Variants in PDILT observed in about 807,000 individuals in gnomAD.
The protein encoded by PDILT is protein disulfide isomerase like, testis expressed.
A neutral mutation model predicts 53.7 loss-of-function variants in PDILT; 43 were observed. The ratio of observed to expected loss-of-function variants is 0.80; its 90% confidence interval spans 0.63 to 1.03. PDILT has a LOEUF of 1.03. PDILT is among the 50% of genes least tolerant of loss of function. PDILT has a pLI of 0.00. For missense variants in PDILT, 727 were observed against 712.3 expected (o/e 1.02, Z -0.24); for synonymous variants, 282 against 274.2 (o/e 1.03, Z -0.28).
At chr16:20,381,997 C>T (rs2141607976) in intron 3 of PDILT, among the ~76,000 whole-genome samples, 1 of 152,248 alleles carries the variant, frequency 6.6e-6, no homozygotes, top group South Asian at 2.1e-4. Flanking sequence ...TTCCTGGGTT[C>T]AAGCAATTCT....
chr16:20,359,640 A>G (rs932735445), intron 11 of PDILT, 73 bp from the exon 12 acceptor site: 2 of 1,433,810 alleles, frequency 1.4e-6, no homozygotes, highest in Non-Finnish European at 1.9e-6. Context: ...GGCAAGAAAT[A>G]TGTCATCATT....
intron 11 of PDILT, 74 bp downstream of exon 11, chr16:20,360,494 C>T: frequency 2.3e-6 from 3 of 1,324,362 alleles, no homozygotes; most frequent in Non-Finnish European, 3.3e-6. Context: ...CAGCCATACT[C>T]TTTTGTTGTC....
intron 3 of PDILT, among the ~76,000 whole-genome samples, chr16:20,377,197 A>G (rs1966399657): frequency 6.6e-6 from 1 of 152,150 alleles, no homozygotes; most frequent in African/African-American, 2.4e-5. Flanking sequence ...CTGAGGCAGA[A>G]GGATTGCTTG....
Position 20,384,855 on chromosome 16 carries a change from A to C in PDILT, c.203-4T>G. 6.2e-7 allele frequency: 1 copy of C among 1,614,016 alleles called. No homozygotes were observed. ...GATTGCTTTGAGGATGGGTTGTCTG[A>C]AAGAGTATGAAGACAAAATTTGAGA... On this transcript the variant is annotated splice_region_variant and splice_polypyrimidine_tract_variant and intron_variant, in intron 2 of 11. Transcript: ENST00000302451.
rs760472325 is a variant in PDILT at position 20,365,414 on chromosome 16, AC to A, written c.1237+5del. 69 of 1,613,650 alleles carry A rather than the reference AC, an allele frequency of 4.3e-5. No individual in the cohort carries two copies. Among genetic ancestry groups the A allele is most frequent in the Non-Finnish European group, 5.8e-5 (68 of 1,179,662 alleles). ...TTGCCTCAGAACCCCTCTTGGAGAT[AC>A]TTACAGAACATCACAAATACGTCCT... On this transcript the variant is annotated splice_donor_5th_base_variant and intron_variant, in intron 9 of 11. Coordinates refer to ENST00000302451, the MANE Select transcript of PDILT (RefSeq NM_174924.2).
intron 7 of PDILT, among the ~76,000 whole-genome samples, chr16:20,372,580 T>C (rs1966322354): frequency 6.6e-6 from 1 of 150,988 alleles, no homozygotes; most frequent in Admixed American, 6.6e-5. Flanking sequence ...AGATTTGGCA[T>C]GGAAGAGACA....
At chr16:20,384,920 G>A (rs1389146050) in intron 2 of PDILT, 69 bp from the exon 3 acceptor site, 1 of 1,489,498 alleles carries the variant, frequency 6.7e-7, no homozygotes, top group African/African-American at 1.4e-5. Flanking sequence ...TAGATTATTT[G>A]TTGGGCCTGC....
chr16:20,396,581 A>C (rs146210740), intron 2 of PDILT, among the ~76,000 whole-genome samples: 1 of 152,268 alleles, frequency 6.6e-6, no homozygotes, highest in East Asian at 1.9e-4. Context: ...TCGTGCACTC[A>C]AAGACATGAG....
At chr16:20,392,536 C>T (rs1966617636) in intron 2 of PDILT, among the ~76,000 whole-genome samples, 1 of 152,192 alleles carries the variant, frequency 6.6e-6, no homozygotes, top group South Asian at 2.1e-4. Flanking sequence ...AGAAAGCTTT[C>T]ATAGTGCTTT....
Position 20,362,401 on chromosome 16 carries a change from C to G in PDILT, c.1416+3G>C, listed in dbSNP as rs1486661479. 1.9e-6 allele frequency: 3 copies of G among 1,613,868 alleles called. No individual in the cohort carries two copies. In the South Asian group the frequency reaches 3.3e-5, roughly 18 times the overall value. ...AGCCATGTGCGTCCCAAGAGCCCCT[C>G]ACTTGTTGAGAGCCGCTGGGGAACA... On this transcript the variant is annotated splice_donor_region_variant and intron_variant, in intron 10 of 11. Coordinates refer to ENST00000302451, the MANE Select transcript of PDILT (RefSeq NM_174924.2).
intron 1 of PDILT, 56 bp downstream of exon 1, chr16:20,404,440 A>C (rs1303080858): frequency 2.6e-5 from 4 of 152,186 alleles, no homozygotes; most frequent in Non-Finnish European, 5.9e-5. Flanking sequence ...GGTAGAGAAA[A>C]GCCTCCCAAG....
intron 1 of PDILT, among the ~76,000 whole-genome samples, chr16:20,400,797 T>C (rs1163221482): frequency 6.6e-6 from 1 of 152,152 alleles, no homozygotes; most frequent in African/African-American, 2.4e-5. Flanking sequence ...AAATATTTTA[T>C]TATAAATATT....
At chr16:20,373,454 G>C (rs1966336958) in intron 5 of PDILT, among the ~76,000 whole-genome samples, 1 of 152,130 alleles carries the variant, frequency 6.6e-6, no homozygotes, top group Admixed American at 6.5e-5. Flanking sequence ...CTCACATACT[G>C]CTCCAACTAA....
chr16:20,399,686 A>G (rs1268741040), intron 1 of PDILT, among the ~76,000 whole-genome samples: 1 of 76,014 alleles, frequency 1.3e-5, no homozygotes, highest in African/African-American at 5.1e-5. Context: ...TCAATCCCCC[A>G]TCACAGCCCC....
At chr16:20,369,394 C>T (rs1966266578) in intron 8 of PDILT, 98 bp downstream of exon 8, 2 of 1,331,570 alleles carry the variant, frequency 1.5e-6, no homozygotes, top group Admixed American at 1.8e-5. Context: ...TTTATTCTGC[C>T]TCCACATACA....
chr16:20,368,468 TCCACAGAAAAGGC>T (rs1966249123), intron 8 of PDILT, among the ~76,000 whole-genome samples: 4 of 152,090 alleles, frequency 2.6e-5, no homozygotes, highest in Admixed American at 2.6e-4. Context: ...CGAGACAGCT[TCCACAGAAAAGGC>T]TATAGGGGCA....
intron 3 of PDILT, among the ~76,000 whole-genome samples, chr16:20,381,203 C>A (rs980131481): frequency 6.6e-6 from 1 of 152,240 alleles, no homozygotes; most frequent in African/African-American, 2.4e-5. Context: ...TTTGACCCTG[C>A]AAGGACTAAA....
rs1420853586 is a variant in PDILT, at chr16:20,386,829, A to G, written c.203-1978T>C. On this transcript the variant is annotated intron_variant, in intron 2 of 11. Coordinates refer to ENST00000302451, the MANE Select transcript of PDILT (RefSeq NM_174924.2). Reference sequence around the variant, plus strand: ...GGCCATGCTGGGCTCAGGATTGCTGATTGACATAGAATCCGAATCTGAGTT... The same window carrying G: ...GGCCATGCTGGGCTCAGGATTGCTGGTTGACATAGAATCCGAATCTGAGTT... Among the ~76,000 whole-genome samples the G allele has an allele frequency of 2.0e-5, 3 of 152,330 alleles. No homozygotes were observed. The East Asian group carries it at 5.8e-4, about 29-fold the overall frequency.
At chr16:20,377,968 AAAAG>A (rs1225680793) in intron 3 of PDILT, among the ~76,000 whole-genome samples, 2 of 152,034 alleles carry the variant, frequency 1.3e-5, no homozygotes, top group African/African-American at 2.4e-5. Context: ...AAGAAAAAAA[AAAAG>A]AAAGAAAGAA....
Sources: gnomAD v4.1 joint callset for allele counts (sites outside exome capture counted in the v4.1 genomes callset) on GRCh38, gnomAD v4.1.1 for gene constraint, MANE v1.5 for transcripts, NCBI Gene and HGNC (gene_info 2026-07-23, HGNC 2026-07-21) for gene names.